The following ME1 variants were observed in gnomAD, a reference collection of about 807,000 sequenced individuals.
The protein encoded by ME1 is malic enzyme 1, also known as NADP-dependent malic enzyme.
Under a neutral mutation model 66.4 loss-of-function variants are expected in ME1, and 74 were observed. The observed-to-expected ratio is 1.11, with a 90% CI of 0.92 to 1.35. ME1 has a LOEUF of 1.35. Ranked by LOEUF, ME1 falls within the 40% of genes most tolerant of loss-of-function variation. The pLI is 0.00. For synonymous variants in ME1, 251 were observed against 235.6 expected, an observed-to-expected ratio of 1.07 and a Z score of -0.60; for missense variants, 750 against 694.1, an observed-to-expected ratio of 1.08 and a Z score of -0.90.
intron 5 of ME1, among the ~76,000 whole-genome samples, chr6:83,333,760 C>T (rs780384842): frequency 5.9e-5 from 9 of 151,796 alleles, no homozygotes; most frequent in Admixed American, 1.3e-4. Flanking sequence ...ATGTGTAGCC[C>T]GAAAGTCAAT....
rs1283397257 is a variant in ME1 at position 83,402,784 on chromosome 6, C to G, written c.213-4268G>C. On this transcript the variant is annotated intron_variant, in intron 2 of 13. Transcript: ENST00000369705. Reference sequence around the variant, plus strand: ...GAGTCACCCTCACCAGGTAAAGAACCACAATCAGCTGAGATACTTGCTGAG... The same window carrying G: ...GAGTCACCCTCACCAGGTAAAGAACGACAATCAGCTGAGATACTTGCTGAG... Among the ~76,000 whole-genome samples the G allele has an allele frequency of 2.6e-5, 4 of 152,124 alleles. No individual in the cohort carries two copies. The East Asian group carries it at 7.7e-4, about 29-fold the overall frequency.
intron 6 of ME1, among the ~76,000 whole-genome samples, chr6:83,269,411 A>G (rs1037100397): frequency 1.3e-5 from 2 of 152,176 alleles, no homozygotes; most frequent in Admixed American, 1.3e-4. Context: ...AAAGTACACC[A>G]TATTTGGATT....
chr6:83,409,062 C>T (rs1769998300), intron 1 of ME1, among the ~76,000 whole-genome samples: 1 of 152,096 alleles, frequency 6.6e-6, no homozygotes, highest in Non-Finnish European at 1.5e-5. Flanking sequence ...AGCTTTTCAC[C>T]CCTTCTGCCA....
chr6:83,238,554 C>G (rs1790454801), intron 8 of ME1, among the ~76,000 whole-genome samples: 1 of 152,008 alleles, frequency 6.6e-6, no homozygotes, highest in African/African-American at 2.4e-5. Context: ...AAATAGAGAA[C>G]TCAAATGTTA....
chr6:83,305,740 C>T (rs555340986), intron 6 of ME1, among the ~76,000 whole-genome samples: 4 of 152,214 alleles, frequency 2.6e-5, no homozygotes, highest in East Asian at 1.9e-4. Flanking sequence ...GGTCCAGATA[C>T]GATATTAGTT....
chr6:83,316,832 A>C (rs545394425), intron 5 of ME1, among the ~76,000 whole-genome samples: 1 of 152,252 alleles, frequency 6.6e-6, no homozygotes, highest in East Asian at 1.9e-4. Context: ...ATACCAGCCC[A>C]AAATGCAAAA....
intron 3 of ME1, among the ~76,000 whole-genome samples, chr6:83,367,897 G>A (rs555611584): frequency 6.6e-6 from 1 of 152,200 alleles, no homozygotes; most frequent in South Asian, 2.1e-4. Flanking sequence ...TAACAGTTTG[G>A]CACAAGAGGC....
chr6:83,429,229 C>T (rs1437291743), intron 1 of ME1, among the ~76,000 whole-genome samples: 2 of 152,128 alleles, frequency 1.3e-5, no homozygotes, highest in Non-Finnish European at 2.9e-5. Context: ...CGCCACTGCA[C>T]TCCAACCTGG....
At chr6:83,266,259 T>C (rs1202053961) in intron 6 of ME1, among the ~76,000 whole-genome samples, 1 of 152,178 alleles carries the variant, frequency 6.6e-6, no homozygotes, top group Admixed American at 6.5e-5. Flanking sequence ...AATAAAAACT[T>C]TGAAAGCCAA....
At chr6:83,236,333 G>T (rs950117501) in intron 9 of ME1, among the ~76,000 whole-genome samples, 1 of 151,986 alleles carries the variant, frequency 6.6e-6, no homozygotes, top group Admixed American at 6.6e-5. Context: ...TAGATTCTTT[G>T]AATGGAAACT....
At chr6:83,234,819 TA>T (rs1790367508) in intron 9 of ME1, among the ~76,000 whole-genome samples, 3 of 152,176 alleles carry the variant, frequency 2.0e-5, no homozygotes, top group Admixed American at 2.0e-4. Flanking sequence ...CTTCATCTCT[TA>T]TCATCTGCTT....
intron 6 of ME1, among the ~76,000 whole-genome samples, chr6:83,275,756 C>T (rs1412952089): frequency 1.3e-4 from 16 of 119,722 alleles, no homozygotes; most frequent in Non-Finnish European, 2.7e-4. Flanking sequence ...TGAGCCACGG[C>T]GCCCGGCCTT....
rs962922690 is a variant in ME1 at position 83,210,681 on chromosome 6, T to C, written c.*1243A>G. 1 of 152,220 alleles carries C rather than the reference T, an allele frequency of 6.6e-6. No individual in the cohort carries two copies. 9.4% of individuals were successfully genotyped at this position (152,220 alleles called of 1,614,324 possible). A position where few individuals can be genotyped will look rare whatever the true frequency, so the allele number is the denominator to read the frequency against. On this transcript the variant is annotated 3_prime_UTR_variant, in exon 14 of 14. Transcript: ENST00000369705. ...AGTATAATTTATCTTGAATATCTTA[T>C]ACTCCTTAAAGCATTACTTCAAAAA...
chr6:83,341,092 T>G (rs1768572453), intron 5 of ME1, among the ~76,000 whole-genome samples: 1 of 152,012 alleles, frequency 6.6e-6, no homozygotes, highest in Non-Finnish European at 1.5e-5. Flanking sequence ...CGTCATACAG[T>G]ATCGGTCAAC....
At chr6:83,363,657 A>G (rs1769046895) in intron 3 of ME1, among the ~76,000 whole-genome samples, 1 of 152,244 alleles carries the variant, frequency 6.6e-6, no homozygotes, top group Admixed American at 6.5e-5. Flanking sequence ...ATCAATACCA[A>G]CTACAACCAC....
chr6:83,398,207 T>A (rs1769775563), intron 3 of ME1, among the ~76,000 whole-genome samples, 160 bp downstream of exon 3: 1 of 152,214 alleles, frequency 6.6e-6, no homozygotes, highest in Admixed American at 6.5e-5. Flanking sequence ...GATTCTACCA[T>A]TTCACAATGT....
At position 83,346,206 on chromosome 6, in the gene ME1, C is replaced by T. The variant is rs1268176178; in HGVS notation, c.567G>A (p.Leu189=). The T allele has an allele frequency of 6.2e-7, 1 of 1,609,422 alleles. No homozygotes were observed. Among genetic ancestry groups the T allele is most frequent in the African/African-American group, 1.3e-5 (1 of 74,740 alleles). ...CGGTTCCCACATCCAGAATGACAGG[C>T]AGACATTCTTGAGGATTCATCCCTC... is the stretch of plus-strand genomic sequence containing the variant. ...ACGGMNPQEC[L]PVILDVGTEN... is the part of the protein sequence containing the mutation. Residue 189 remains leucine (L), a synonymous_variant, in exon 5 of 14, where the codon CTG becomes CTA. Coordinates refer to ENST00000369705, the MANE Select transcript of ME1 (RefSeq NM_002395.6).
At chr6:83,261,833 G>A (rs1051293845) in intron 6 of ME1, among the ~76,000 whole-genome samples, 3 of 151,926 alleles carry the variant, frequency 2.0e-5, no homozygotes, top group African/African-American at 4.8e-5. Flanking sequence ...GGCCAACATG[G>A]TGAAACCCTG....
intron 6 of ME1, among the ~76,000 whole-genome samples, chr6:83,294,745 G>A (rs1767563165): frequency 6.6e-6 from 1 of 152,080 alleles, no homozygotes; most frequent in Non-Finnish European, 1.5e-5. Flanking sequence ...AGGCCAATCT[G>A]TCTTCCACAG....
Sources: gnomAD v4.1 joint callset for allele counts (sites outside exome capture counted in the v4.1 genomes callset) on GRCh38, gnomAD v4.1.1 for gene constraint, MANE v1.5 for transcripts, NCBI Gene and HGNC (gene_info 2026-07-23, HGNC 2026-07-21) for gene names.